DHRS7C: variants seen among roughly 807,000 people sequenced by gnomAD.
DHRS7C encodes the protein dehydrogenase/reductase SDR family member 7C.
In DHRS7C, 28 loss-of-function variants were observed where a neutral mutation model predicts 29.6. The observed-to-expected ratio is 0.95, with a 90% CI of 0.70 to 1.30. The LOEUF is 1.30. DHRS7C is among the 50% of genes most tolerant of loss of function. The probability of loss-of-function intolerance (pLI) is 0.00; values close to 1 mark genes in which losing one functional copy is unlikely to be tolerated. For synonymous variants in DHRS7C, 158 were observed against 160.2 expected, an observed-to-expected ratio of 0.99 and a Z score of 0.10; for missense variants, 403 against 393.3, an observed-to-expected ratio of 1.02 and a Z score of -0.21.
In DHRS7C at chr17:9,779,982, T is replaced by C. The variant is rs1404437457; in HGVS notation, c.321A>G (p.Pro107=). Residue 107 remains proline (P), a synonymous_variant, in exon 3 of 6, where the codon CCA becomes CCG. Transcript: ENST00000571134. ...AATCCAGGACTTCTTTTGCCACATC[T>C]GGGACACAGCTGATGTCTGAGAGGT... ...LLDLSDISCV[P]DVAKEVLDCY... is the part of the protein sequence containing the mutation. 1 of 1,613,936 alleles carries C rather than the reference T, an allele frequency of 6.2e-7. No individual in the cohort carries two copies.
chr17:9,772,840 G>A lies in DHRS7C; in HGVS notation c.654C>T (p.Thr218=), dbSNP rs367681568. ...ACGACCGGATGAAAGTCGGGCTCAC[G>A]GTGCTGATGACAACATCGTATTCCT... ...EVEEYDVVIS[T]VSPTFIRSYH... The change falls in exon 5 of 6, where the codon ACC becomes ACT. Residue 218 remains threonine (T), a synonymous_variant. Transcript: ENST00000571134. The A allele has an allele frequency of 7.4e-5, 119 of 1,613,890 alleles. No homozygotes were observed. Among genetic ancestry groups the A allele is most frequent in the Non-Finnish European group, 9.8e-5 (116 of 1,179,900 alleles).
intron 2 of DHRS7C, 74 bp from the exon 3 acceptor site, chr17:9,780,109 T>A: frequency 7.9e-7 from 1 of 1,267,666 alleles, no homozygotes. Flanking sequence ...GCCCTCGATC[T>A]AAAAGCCACC....
At chr17:9,783,260 C>T (rs2066403481) in intron 1 of DHRS7C, among the ~76,000 whole-genome samples, 2 of 152,166 alleles carry the variant, frequency 1.3e-5, no homozygotes, top group African/African-American at 4.8e-5. Flanking sequence ...ACAATGTCAC[C>T]TTGAATTGTT....
At chr17:9,771,966 A>G (rs765606473) in intron 5 of DHRS7C, among the ~76,000 whole-genome samples, 1 of 152,210 alleles carries the variant, frequency 6.6e-6, no homozygotes, top group Non-Finnish European at 1.5e-5. Flanking sequence ...GAAGGGATGC[A>G]AAAGAGGTTA....
chr17:9,771,775 G>A, intron 5 of DHRS7C, 79 bp from the exon 6 acceptor site: 1 of 1,273,462 alleles, frequency 7.9e-7, no homozygotes, highest in South Asian at 2.4e-5. Flanking sequence ...ATGCACAAAG[G>A]CTGAGGGGCG....
At chr17:9,790,462 T>C (rs1183108677) in intron 1 of DHRS7C, among the ~76,000 whole-genome samples, 1 of 152,172 alleles carries the variant, frequency 6.6e-6, no homozygotes, top group Non-Finnish European at 1.5e-5. Flanking sequence ...CAAATGCAAA[T>C]GCCTTCAATG....
rs1043999854 is a variant in DHRS7C, at chr17:9,781,852, G to A, written c.155-258C>T. On this transcript the variant is annotated intron_variant, in intron 1 of 5. Transcript: ENST00000571134. ...CTTTGTTAGAAAGTTCTGATTATTG[G>A]AAATTCTTCCTTACACTGAACAGAA... Among the ~76,000 whole-genome samples, 4 of 152,134 alleles carry A rather than the reference G, an allele frequency of 2.6e-5. No homozygotes were observed. In the East Asian group the frequency reaches 7.7e-4, roughly 29 times the overall value.
chr17:9,790,571 T>G (rs2066448997), intron 1 of DHRS7C, among the ~76,000 whole-genome samples: 1 of 152,244 alleles, frequency 6.6e-6, no homozygotes, highest in Admixed American at 6.5e-5. Flanking sequence ...TGCCTATATG[T>G]GTTCATGATC....
In DHRS7C at chr17:9,777,242, C is replaced by T; in HGVS notation, c.522G>A (p.Val174=). The change falls in exon 4 of 6, where the codon GTG becomes GTA. Residue 174 remains valine (V), a synonymous_variant. Coordinates refer to ENST00000571134, the MANE Select transcript of DHRS7C (RefSeq NM_001105571.3). Reference sequence around the variant, plus strand: ...ACTTCCCTTGGATATTATTCACTAACACGATTTGGCCTGTTCTCCGGGAGA... The same window carrying T: ...ACTTCCCTTGGATATTATTCACTAATACGATTTGGCCTGTTCTCCGGGAGA... ...NMISRRTGQI[V]LVNNIQGKFG... 1 of 1,613,852 alleles carries T rather than the reference C, an allele frequency of 6.2e-7. No homozygotes were observed. The highest frequency in any genetic ancestry group is 1.3e-5 in the African/African-American group (1 of 75,048).
chr17:9,782,125 A>T (rs562503757), intron 1 of DHRS7C, among the ~76,000 whole-genome samples: 1 of 152,322 alleles, frequency 6.6e-6, no homozygotes, highest in South Asian at 2.1e-4. Flanking sequence ...ACTAAGTGTT[A>T]CCTGGTAGAC....
At position 9,772,924 on chromosome 17, in the gene DHRS7C, T is replaced by C. The variant is rs2066340029; in HGVS notation, c.572-2A>G. 6.2e-7 allele frequency: 1 copy of C among 1,613,402 alleles called. No individual in the cohort carries two copies. The highest frequency in any genetic ancestry group is 1.3e-5 in the African/African-American group (1 of 75,006). On this transcript the variant is annotated splice_acceptor_variant, in intron 4 of 5. Transcript: ENST00000571134. LOFTEE classifies it high-confidence loss of function. ...GGGCTGCGTGCTTGGAGGCAGCGTCTGCGAGACAAACCATCCGGAGGTGGG... is the reference window on the plus strand; with the variant it reads ...GGGCTGCGTGCTTGGAGGCAGCGTCCGCGAGACAAACCATCCGGAGGTGGG...
chr17:9,783,278 C>T (rs370893518), intron 1 of DHRS7C, among the ~76,000 whole-genome samples: 12 of 152,130 alleles, frequency 7.9e-5, no homozygotes, highest in East Asian at 5.8e-4. Flanking sequence ...GTTACGGCTG[C>T]AGAGAGGGAA....
Position 9,779,881 on chromosome 17 carries a change from TC to T in DHRS7C, c.421del (p.Glu141SerfsTer17), listed in dbSNP as rs769820242. On this transcript the variant is annotated frameshift_variant, in exon 3 of 6. Coordinates refer to ENST00000571134, the MANE Select transcript of DHRS7C (RefSeq NM_001105571.3). LOFTEE classifies it high-confidence loss of function. The stretch of plus-strand genomic sequence containing the variant: ...GGCATCCATGATCTTTTTGTCGAGC[TC>T]CAGAGAAATCTTATGGGCAGGCCCC... ...VKGPAHKISL[E>X]LDKKIMDANY... 5 of 1,613,704 alleles carry T rather than the reference TC, an allele frequency of 3.1e-6. No individual in the cohort carries two copies. The Admixed American group carries it at 8.3e-5, about 27-fold the overall frequency.
At chr17:9,788,860 T>C (rs560729195) in intron 1 of DHRS7C, among the ~76,000 whole-genome samples, 1 of 152,282 alleles carries the variant, frequency 6.6e-6, no homozygotes, top group South Asian at 2.1e-4. Flanking sequence ...AAGTTACTGC[T>C]AAGTACCGGG....
intron 1 of DHRS7C, among the ~76,000 whole-genome samples, chr17:9,787,135 G>A (rs2066428515): frequency 1.3e-5 from 2 of 152,096 alleles, no homozygotes; most frequent in South Asian, 2.1e-4. Context: ...TAGTAGAGAC[G>A]GGGTTTCACC....
At chr17:9,784,547 GGACAA>G (rs1453287297) in intron 1 of DHRS7C, among the ~76,000 whole-genome samples, 4 of 152,000 alleles carry the variant, frequency 2.6e-5, no homozygotes, top group African/African-American at 9.7e-5. Flanking sequence ...CATAAGTAAA[GGACAA>G]GACAAATTTA....
chr17:9,782,239 T>C (rs1162679578), intron 1 of DHRS7C, among the ~76,000 whole-genome samples: 1 of 152,218 alleles, frequency 6.6e-6, no homozygotes, highest in African/African-American at 2.4e-5. Flanking sequence ...GATATGTACA[T>C]ATCTCTTACA....
At chr17:9,782,014 C>T (rs11657431) in intron 1 of DHRS7C, among the ~76,000 whole-genome samples, 7 of 152,124 alleles carry the variant, frequency 4.6e-5, no homozygotes, top group Non-Finnish European at 8.8e-5. Context: ...GGGATAGACA[C>T]CTCAGCCAGG....
In DHRS7C at chr17:9,775,707, T is replaced by C. The variant is rs1373454212; in HGVS notation, c.571+1486A>G. ...ACAGGCCTAAACTAACTAAGGCATA[T>C]GGAAAAAGGAAGGTAAAACACTACT... On this transcript the variant is annotated intron_variant, in intron 4 of 5. Coordinates refer to ENST00000571134, the MANE Select transcript of DHRS7C (RefSeq NM_001105571.3). This position sits in a 1 kb window ranked among gnomAD's most constrained non-coding sequence, Gnocchi z 4.2. 2.0e-5 allele frequency among the ~76,000 whole-genome samples: 3 copies of C among 152,022 alleles called. No individual in the cohort carries two copies. The highest frequency in any genetic ancestry group is 2.9e-5 in the Non-Finnish European group (2 of 68,010).
Sources: gnomAD v4.1 joint callset for allele counts (sites outside exome capture counted in the v4.1 genomes callset) on GRCh38, gnomAD v4.1.1 for gene constraint, Gnocchi (gnomAD v3.1) non-coding constraint, MANE v1.5 for transcripts, NCBI Gene and HGNC (gene_info 2026-07-23, HGNC 2026-07-21) for gene names.